Variants in GRID1 observed in about 807,000 individuals in gnomAD.
The protein encoded by GRID1 is glutamate ionotropic receptor delta type subunit 1, also known as glutamate receptor ionotropic, delta-1.
A neutral mutation model predicts 98.0 loss-of-function variants in GRID1; 28 were observed. That is an observed-to-expected ratio of 0.29 (90% CI 0.21 to 0.39). The LOEUF is 0.39. Ranked by LOEUF, GRID1 falls within the 10% of genes least tolerant of loss-of-function variation. The pLI is 1.00. For synonymous variants in GRID1, 553 were observed against 538.5 expected, an observed-to-expected ratio of 1.03 and a Z score of -0.37; for missense variants, 1,111 against 1,340.5, an observed-to-expected ratio of 0.83 and a Z score of 2.67.
chr10:85,686,751 T>C lies in GRID1; in HGVS notation c.1997+36252A>G, dbSNP rs146004226. On this transcript the variant is annotated intron_variant, in intron 12 of 15. Coordinates refer to ENST00000327946, the MANE Select transcript of GRID1 (RefSeq NM_017551.3). ...ATCCTATATTTTATTTACAGATGCA[T>C]ATTATATATATTTTTGTTTGTTATA... is the stretch of plus-strand genomic sequence containing the variant. 5.1e-3 allele frequency among the ~76,000 whole-genome samples: 775 copies of C among 152,134 alleles called. 12 individuals are homozygous for C. The highest frequency in any genetic ancestry group is 0.018 in the African/African-American group (741 of 41,564).
chr10:86,201,864 G>T (rs1387734688), intron 3 of GRID1, among the ~76,000 whole-genome samples: 4 of 150,708 alleles, frequency 2.7e-5, no homozygotes, highest in Non-Finnish European at 4.5e-5. Context: ...CGAGGGTCTT[G>T]TTAGCACACA....
At chr10:86,092,400 C>T (rs2131939109) in intron 4 of GRID1, among the ~76,000 whole-genome samples, 1 of 152,244 alleles carries the variant, frequency 6.6e-6, no homozygotes, top group Middle Eastern at 3.4e-3. Context: ...AAGACAAGGT[C>T]TTTGAATTAA....
intron 4 of GRID1, among the ~76,000 whole-genome samples, chr10:86,104,202 G>A (rs1322901298): frequency 6.6e-6 from 1 of 152,196 alleles, no homozygotes; most frequent in African/African-American, 2.4e-5. Flanking sequence ...CTGGCAGGTA[G>A]AAGGGGCTAG....
At chr10:86,339,299 T>C (rs1037179393) in intron 2 of GRID1, among the ~76,000 whole-genome samples, 1 of 151,334 alleles carries the variant, frequency 6.6e-6, no homozygotes, top group Non-Finnish European at 1.5e-5. Flanking sequence ...AGGTATGGGG[T>C]GAGAGAAGCC....
intron 12 of GRID1, among the ~76,000 whole-genome samples, chr10:85,677,974 CAGA>C (rs1483597294): frequency 6.6e-6 from 1 of 152,074 alleles, no homozygotes; most frequent in African/African-American, 2.4e-5. Flanking sequence ...CCTGTGTCTA[CAGA>C]AGAAGGGATT....
intron 8 of GRID1, among the ~76,000 whole-genome samples, chr10:85,773,439 C>T (rs1378500687): frequency 6.6e-6 from 1 of 152,208 alleles, no homozygotes; most frequent in Non-Finnish European, 1.5e-5. Context: ...CCTCTCACCA[C>T]TCCTATTCAA....
intron 2 of GRID1, among the ~76,000 whole-genome samples, chr10:86,336,005 C>A (rs1448206819): frequency 1.3e-5 from 2 of 152,222 alleles, no homozygotes; most frequent in Admixed American, 1.3e-4. Flanking sequence ...GGGGCCTAAC[C>A]AGCCAGTGAA....
chr10:86,206,361 C>A lies in GRID1; in HGVS notation c.520+3G>T. The A allele has an allele frequency of 2.5e-6, 4 of 1,589,778 alleles. No homozygotes were observed. Among genetic ancestry groups the A allele is most frequent in the Non-Finnish European group, 3.4e-6 (4 of 1,164,138 alleles). On this transcript the variant is annotated splice_donor_region_variant and intron_variant, in intron 3 of 15. Transcript: ENST00000327946. The surrounding 1 kb of genome is among the most constrained non-coding windows in gnomAD (Gnocchi z 4.1). ...GCCCCAGCTCGCCTGCCGGACAACT[C>A]ACCATACTCGCTGTCGTAGAACATG... is the stretch of plus-strand genomic sequence containing the variant.
chr10:86,291,204 G>A (rs554472384), intron 2 of GRID1, among the ~76,000 whole-genome samples: 1 of 152,310 alleles, frequency 6.6e-6, no homozygotes, highest in African/African-American at 2.4e-5. Context: ...AGAGCCCAGA[G>A]GGCCTCCAGA....
intron 2 of GRID1, among the ~76,000 whole-genome samples, chr10:86,325,490 A>T (rs1848035996): frequency 6.6e-6 from 1 of 152,224 alleles, no homozygotes; most frequent in Non-Finnish European, 1.5e-5. Flanking sequence ...AACTTTCCAC[A>T]GTATAAATCT....
intron 4 of GRID1, among the ~76,000 whole-genome samples, chr10:86,033,114 C>A (rs1400089110): frequency 6.6e-6 from 1 of 152,004 alleles, no homozygotes; most frequent in East Asian, 1.9e-4. Flanking sequence ...GCCCACCCAG[C>A]TTTGTGGCCT....
chr10:86,016,300 C>G (rs960401534), intron 4 of GRID1, among the ~76,000 whole-genome samples: 1 of 151,754 alleles, frequency 6.6e-6, no homozygotes, highest in African/African-American at 2.4e-5. Flanking sequence ...GTGCCCACCA[C>G]CACGCCTGGC....
chr10:85,953,758 C>A (rs1589311737), intron 4 of GRID1, among the ~76,000 whole-genome samples: 1 of 152,164 alleles, frequency 6.6e-6, no homozygotes, highest in East Asian at 1.9e-4. Flanking sequence ...GGCATAATTC[C>A]TCCCCAGAAC....
intron 8 of GRID1, among the ~76,000 whole-genome samples, chr10:85,822,023 T>C (rs1463788183): frequency 2.0e-5 from 3 of 152,134 alleles, no homozygotes; most frequent in East Asian, 1.9e-4. Flanking sequence ...TTACACCTTA[T>C]ACAAAAATTA....
intron 2 of GRID1, among the ~76,000 whole-genome samples, chr10:86,230,230 C>T (rs1246536529): frequency 1.1e-4 from 17 of 152,364 alleles, no homozygotes; most frequent in Admixed American, 3.9e-4. Context: ...CCAGAACCAC[C>T]ACCCACCCTA....
chr10:86,182,104 G>A (rs1407037906), intron 3 of GRID1, among the ~76,000 whole-genome samples: 4 of 152,306 alleles, frequency 2.6e-5, no homozygotes, highest in African/African-American at 9.6e-5. Context: ...GTCTCCGTGG[G>A]TGCAGACAGC....
chr10:85,930,579 T>C (rs560312326), intron 4 of GRID1, among the ~76,000 whole-genome samples: 1 of 152,118 alleles, frequency 6.6e-6, no homozygotes, highest in South Asian at 2.1e-4. Context: ...GCTCTGCTGG[T>C]TGGATTCTCT....
At chr10:86,258,992 A>G (rs559583018) in intron 2 of GRID1, among the ~76,000 whole-genome samples, 17 of 152,382 alleles carry the variant, frequency 1.1e-4, no homozygotes, top group African/African-American at 3.6e-4. Flanking sequence ...TAGTTTATGC[A>G]CAGAAATTAA....
chr10:86,301,035 C>G (rs1021347054), intron 2 of GRID1, among the ~76,000 whole-genome samples: 7 of 152,212 alleles, frequency 4.6e-5, no homozygotes, highest in Non-Finnish European at 1.0e-4. Context: ...TATTGCTAGT[C>G]CATATGTTTA....
Sources: gnomAD v4.1 joint callset for allele counts (sites outside exome capture counted in the v4.1 genomes callset) on GRCh38, gnomAD v4.1.1 for gene constraint, Gnocchi (gnomAD v3.1) non-coding constraint, MANE v1.5 for transcripts, NCBI Gene and HGNC (gene_info 2026-07-23, HGNC 2026-07-21) for gene names.